The following CREB3L2 variants were observed in gnomAD, a reference collection of about 807,000 sequenced individuals.
CREB3L2 encodes the protein cyclic AMP-responsive element-binding protein 3-like protein 2.
A neutral mutation model predicts 57.2 loss-of-function variants in CREB3L2; 23 were observed. The ratio of observed to expected loss-of-function variants is 0.40; its 90% CI spans 0.29 to 0.57. CREB3L2 has a LOEUF of 0.57. Among genes scored for constraint, CREB3L2 ranks in the 20% least tolerant of loss-of-function variants. CREB3L2 has a pLI of 0.42. For missense variants in CREB3L2, 628 were observed against 634.7 expected, an observed-to-expected ratio of 0.99 and a Z score of 0.11; for synonymous variants, 268 against 265.1, an observed-to-expected ratio of 1.01 and a Z score of -0.11.
chr7:137,970,256 T>C (rs1287982948), intron 1 of CREB3L2, among the ~76,000 whole-genome samples: 1 of 152,260 alleles, frequency 6.6e-6, no homozygotes, highest in Non-Finnish European at 1.5e-5. Context: ...AAAGACAGGA[T>C]GTATAGTACT....
chr7:137,993,781 C>T (rs533647219), intron 1 of CREB3L2, among the ~76,000 whole-genome samples: 6 of 152,196 alleles, frequency 3.9e-5, no homozygotes, highest in East Asian at 1.9e-4. Flanking sequence ...CAAGCACTTA[C>T]GATTCTCTGG....
chr7:137,882,756 G>A (rs1397708962), intron 10 of CREB3L2, 128 bp from the exon 11 acceptor site: 2 of 588,410 alleles, frequency 3.4e-6, no homozygotes, highest in African/African-American at 1.8e-5. Context: ...AGAACCATGG[G>A]TGCCAACAGA....
chr7:137,993,709 C>T (rs1049342507), intron 1 of CREB3L2, among the ~76,000 whole-genome samples: 1 of 152,160 alleles, frequency 6.6e-6, no homozygotes. Flanking sequence ...TATATAAAAA[C>T]AGGCCAAAGC....
intron 1 of CREB3L2, among the ~76,000 whole-genome samples, chr7:137,999,379 T>TACACAC (rs60762009): frequency 0.4 from 56,252 of 142,156 alleles, 11,890 homozygotes; most frequent in Non-Finnish European, 0.48. Context: ...TATGTTCCCC[T>TACACAC]ACACACACAC....
intron 8 of CREB3L2, 66 bp downstream of exon 8, chr7:137,901,288 T>C: frequency 1.9e-6 from 2 of 1,062,102 alleles, no homozygotes; most frequent in Middle Eastern, 2.0e-4. Context: ...TGGTTCTGGA[T>C]TCTATCCTCT....
chr7:137,971,099 C>T (rs927966556), intron 1 of CREB3L2, among the ~76,000 whole-genome samples: 10 of 151,958 alleles, frequency 6.6e-5, no homozygotes, highest in African/African-American at 2.4e-4. Context: ...AAAACAAAAT[C>T]AAGTCTACAC....
At chr7:137,960,479 C>T (rs140231887) in intron 1 of CREB3L2, among the ~76,000 whole-genome samples, 149 of 152,118 alleles carry the variant, frequency 9.8e-4, no homozygotes, top group South Asian at 2.9e-3. Flanking sequence ...ACTCAAATTC[C>T]GTCAAAAGAG....
intron 8 of CREB3L2, among the ~76,000 whole-genome samples, chr7:137,889,572 C>A (rs1246037542): frequency 3.3e-5 from 5 of 152,122 alleles, no homozygotes. Context: ...TGGTGGAAAG[C>A]GCAACAGTGA....
intron 1 of CREB3L2, among the ~76,000 whole-genome samples, chr7:137,976,014 T>C (rs1280195256): frequency 1.3e-5 from 2 of 152,218 alleles, no homozygotes; most frequent in Non-Finnish European, 2.9e-5. Flanking sequence ...ATCCCATAAG[T>C]AAGAACCAGA....
At chr7:137,912,865 C>A in intron 4 of CREB3L2, 126 bp downstream of exon 4, 1 of 1,542,836 alleles carries the variant, frequency 6.5e-7, no homozygotes, top group South Asian at 1.2e-5. Flanking sequence ...AAGAACAGAG[C>A]TATTTCATAA....
At chr7:137,976,009 A>T (rs779651094) in intron 1 of CREB3L2, among the ~76,000 whole-genome samples, 1 of 152,232 alleles carries the variant, frequency 6.6e-6, no homozygotes, top group Admixed American at 6.5e-5. Flanking sequence ...GTCTGATCCC[A>T]TAAGTAAGAA....
intron 1 of CREB3L2, among the ~76,000 whole-genome samples, chr7:137,988,955 G>T (rs1171679209): frequency 8.7e-6 from 1 of 114,982 alleles, no homozygotes; most frequent in African/African-American, 3.3e-5. Flanking sequence ...AGGAAGGAAG[G>T]AAAAAAAGGA....
intron 1 of CREB3L2, chr7:137,957,863 C>G (rs1325421100): frequency 3.0e-6 from 3 of 988,780 alleles, no homozygotes; most frequent in African/African-American, 3.3e-5. Context: ...TGCATTCCTA[C>G]TAATTTTTGC....
Position 138,001,719 on chromosome 7 carries a change from G to A in CREB3L2, c.-14C>T. Reference sequence around the variant, plus strand: ...CAGCACCTCCATGGCGGTGCGGGCCGCGCTGGGCCGAGGATGCTAAGCGCA... The same window carrying A: ...CAGCACCTCCATGGCGGTGCGGGCCACGCTGGGCCGAGGATGCTAAGCGCA... On this transcript the variant is annotated 5_prime_UTR_variant, in exon 1 of 12. Coordinates refer to ENST00000330387, the MANE Select transcript of CREB3L2 (RefSeq NM_194071.4). The surrounding 1 kb of genome is among the most constrained non-coding windows in gnomAD (Gnocchi z 4.2). The A allele has an allele frequency of 6.3e-7, 1 of 1,594,996 alleles. No individual in the cohort carries two copies. Among genetic ancestry groups the A allele is most frequent in the Non-Finnish European group, 8.5e-7 (1 of 1,171,938 alleles).
intron 1 of CREB3L2, among the ~76,000 whole-genome samples, chr7:137,946,768 AGTTATC>A (rs199732533): frequency 0.031 from 990 of 31,648 alleles, 144 homozygotes; most frequent in East Asian, 0.055. Context: ...TATATAGTTT[AGTTATC>A]TATATAGTTA....
At chr7:137,909,995 G>C (rs906921015) in intron 4 of CREB3L2, among the ~76,000 whole-genome samples, 2 of 152,124 alleles carry the variant, frequency 1.3e-5, no homozygotes, top group Admixed American at 6.5e-5. Flanking sequence ...TTTCCACCAT[G>C]ATTGTGAGTC....
Position 137,905,682 on chromosome 7 carries a change from C to T in CREB3L2, c.915+20G>A. 1.9e-6 allele frequency: 3 copies of T among 1,613,468 alleles called. No individual in the cohort carries two copies. Among genetic ancestry groups the T allele is most frequent in the Non-Finnish European group, 2.5e-6 (3 of 1,179,484 alleles). On this transcript the variant is annotated intron_variant, in intron 6 of 11. Transcript: ENST00000330387. The stretch of plus-strand genomic sequence containing the variant: ...TCTGCTCGTCTCTGCTCTAGAAGTG[C>T]CTAGATTTGAAGAGCTCACCTTATT...
intron 1 of CREB3L2, among the ~76,000 whole-genome samples, chr7:137,973,458 C>T (rs973415421): frequency 6.6e-6 from 1 of 152,154 alleles, no homozygotes; most frequent in Non-Finnish European, 1.5e-5. Flanking sequence ...ACATGACCCT[C>T]GGGAGCTAGA....
chr7:137,999,052 C>T (rs1308087358), intron 1 of CREB3L2, among the ~76,000 whole-genome samples: 1 of 151,806 alleles, frequency 6.6e-6, no homozygotes, highest in East Asian at 1.9e-4. Context: ...TCAGAAGCAC[C>T]CAGAGTTTAT....
Sources: gnomAD v4.1 joint callset for allele counts (sites outside exome capture counted in the v4.1 genomes callset) on GRCh38, gnomAD v4.1.1 for gene constraint, Gnocchi (gnomAD v3.1) non-coding constraint, MANE v1.5 for transcripts, NCBI Gene and HGNC (gene_info 2026-07-23, HGNC 2026-07-21) for gene names.